HTR7: variants seen among roughly 807,000 people sequenced by gnomAD.
HTR7 encodes the protein 5-HT-7.
Under a neutral mutation model 34.0 loss-of-function variants are expected in HTR7, and 16 were observed. The ratio of observed to expected loss-of-function variants is 0.47; its 90% CI spans 0.32 to 0.71. The LOEUF is 0.71. Ranked by LOEUF, HTR7 falls within the 30% of genes least tolerant of loss-of-function variation. The pLI is 0.04. For missense variants in HTR7, 504 were observed against 625.5 expected, an observed-to-expected ratio of 0.81 and a Z score of 2.07; for synonymous variants, 265 against 260.2, an observed-to-expected ratio of 1.02 and a Z score of -0.18.
At chr10:90,759,019 C>T (rs1276868711) in intron 1 of HTR7, among the ~76,000 whole-genome samples, 1 of 151,812 alleles carries the variant, frequency 6.6e-6, no homozygotes, top group East Asian at 2.0e-4. Flanking sequence ...GAAACCCTGT[C>T]TCTACTAAAA....
Position 90,857,012 on chromosome 10 carries a change from A to G in HTR7, c.539+121T>C. ...GTGGATTGGGGGGAGCGGTGTTTTA[A>G]GCGCAGCCCTTCATCCCGCCTTGAA... On this transcript the variant is annotated intron_variant, in intron 1 of 3. Transcript: ENST00000336152. The surrounding 1 kb of genome is among the most constrained non-coding windows in gnomAD (Gnocchi z 6.5). 4.3e-6 allele frequency: 4 copies of G among 924,382 alleles called. No homozygotes were observed. In the South Asian group the frequency reaches 7.1e-5, roughly 16 times the overall value. 57.3% of individuals were successfully genotyped at this position (924,382 alleles called of 1,614,324 possible).
intron 2 of HTR7, among the ~76,000 whole-genome samples, chr10:90,746,237 T>C (rs1844631371): frequency 6.6e-6 from 1 of 152,198 alleles, no homozygotes; most frequent in African/African-American, 2.4e-5. Context: ...TGTCTGAGAG[T>C]GAATCCTCAG....
At chr10:90,834,718 A>C (rs989336090) in intron 1 of HTR7, among the ~76,000 whole-genome samples, 1 of 152,116 alleles carries the variant, frequency 6.6e-6, no homozygotes, top group African/African-American at 2.4e-5. Context: ...GCTAGCAGTC[A>C]CAGGGTCCCC....
intron 2 of HTR7, among the ~76,000 whole-genome samples, chr10:90,745,313 T>C (rs1405437448): frequency 6.6e-6 from 1 of 152,176 alleles, no homozygotes; most frequent in Admixed American, 6.5e-5. Flanking sequence ...TCTAGCTGCT[T>C]CCTTACATGG....
At chr10:90,806,577 C>T (rs187128173) in intron 1 of HTR7, among the ~76,000 whole-genome samples, 19 of 150,138 alleles carry the variant, frequency 1.3e-4, no homozygotes, top group East Asian at 1.2e-3. Context: ...CCAGCCTGGG[C>T]GACAGAGCGA....
At chr10:90,770,489 G>A (rs1267301226) in intron 1 of HTR7, among the ~76,000 whole-genome samples, 1 of 152,136 alleles carries the variant, frequency 6.6e-6, no homozygotes, top group Non-Finnish European at 1.5e-5. Flanking sequence ...GTATCCTCAG[G>A]GGCCCAGAAG....
intron 1 of HTR7, among the ~76,000 whole-genome samples, chr10:90,774,667 C>T (rs1381894706): frequency 6.6e-6 from 1 of 152,194 alleles, no homozygotes; most frequent in Non-Finnish European, 1.5e-5. Flanking sequence ...CGGTGAGGGA[C>T]TTGGTTTCCT....
chr10:90,789,676 ACAAT>A (rs1409921489), intron 1 of HTR7, among the ~76,000 whole-genome samples: 8 of 152,320 alleles, frequency 5.3e-5, no homozygotes, highest in Admixed American at 3.9e-4. Flanking sequence ...AAAATCAGCC[ACAAT>A]CAAACAAAAA....
rs1253566314 is a variant in HTR7, at chr10:90,830,170, C to T, written c.539+26963G>A. 2.0e-5 allele frequency among the ~76,000 whole-genome samples: 3 copies of T among 152,158 alleles called. No homozygotes were observed. The East Asian group carries it at 5.8e-4, about 29-fold the overall frequency. ...ACCTCAGTAATCCAAACTTGAATAC[C>T]ATTCAATAATTGTTACCAATAAACT... On this transcript the variant is annotated intron_variant, in intron 1 of 3. Transcript: ENST00000336152.
At chr10:90,854,665 T>A (rs1846552615) in intron 1 of HTR7, among the ~76,000 whole-genome samples, 1 of 152,168 alleles carries the variant, frequency 6.6e-6, no homozygotes, top group South Asian at 2.1e-4. Context: ...CTCTGAAGCC[T>A]GTGAAAAACA....
At chr10:90,743,487 G>C in intron 3 of HTR7, 106 bp downstream of exon 3, 1 of 901,718 alleles carries the variant, frequency 1.1e-6, no homozygotes, top group Middle Eastern at 2.2e-4. Flanking sequence ...GCACAGGAGA[G>C]ACAGTGCTTT....
At chr10:90,766,050 C>G (rs1216773545) in intron 1 of HTR7, among the ~76,000 whole-genome samples, 1 of 152,144 alleles carries the variant, frequency 6.6e-6, no homozygotes, top group Non-Finnish European at 1.5e-5. Context: ...GCCTACAGTT[C>G]TGCTCATATC....
intron 1 of HTR7, among the ~76,000 whole-genome samples, chr10:90,805,598 T>C (rs1332700195): frequency 6.6e-6 from 1 of 152,220 alleles, no homozygotes; most frequent in Non-Finnish European, 1.5e-5. Flanking sequence ...GAGATGCAAA[T>C]GTAGAGTTGC....
chr10:90,774,932 C>T (rs532499563), intron 1 of HTR7, among the ~76,000 whole-genome samples: 2 of 152,184 alleles, frequency 1.3e-5, no homozygotes, highest in Middle Eastern at 6.8e-3. Context: ...ATAAAATATA[C>T]AAAATATAAA....
At chr10:90,851,755 A>T (rs1284908452) in intron 1 of HTR7, among the ~76,000 whole-genome samples, 1 of 152,130 alleles carries the variant, frequency 6.6e-6, no homozygotes, top group East Asian at 1.9e-4. Context: ...AATAATCCCC[A>T]CATGTCAAGG....
chr10:90,814,595 G>C (rs932414232), intron 1 of HTR7, among the ~76,000 whole-genome samples: 3 of 152,152 alleles, frequency 2.0e-5, no homozygotes, highest in African/African-American at 7.2e-5. Context: ...GGTGAAGAAA[G>C]AAAACAATGA....
intron 1 of HTR7, among the ~76,000 whole-genome samples, chr10:90,787,380 C>T (rs904516450): frequency 6.6e-6 from 1 of 151,868 alleles, no homozygotes; most frequent in African/African-American, 2.4e-5. Flanking sequence ...CCCAGCTACT[C>T]GGGAGACAGA....
intron 1 of HTR7, among the ~76,000 whole-genome samples, chr10:90,766,491 T>A (rs897335899): frequency 6.6e-6 from 1 of 152,190 alleles, no homozygotes; most frequent in African/African-American, 2.4e-5. Flanking sequence ...CCATTCTATG[T>A]CTTTTGTGTG....
intron 1 of HTR7, among the ~76,000 whole-genome samples, chr10:90,797,879 C>T (rs546698125): frequency 6.6e-6 from 1 of 152,300 alleles, no homozygotes; most frequent in East Asian, 1.9e-4. Context: ...GGCTGAGGGA[C>T]TCATATCTGG....
Sources: gnomAD v4.1 joint callset for allele counts (sites outside exome capture counted in the v4.1 genomes callset) on GRCh38, gnomAD v4.1.1 for gene constraint, Gnocchi (gnomAD v3.1) non-coding constraint, MANE v1.5 for transcripts, NCBI Gene and HGNC (gene_info 2026-07-23, HGNC 2026-07-21) for gene names.